Variants in ELN observed in about 807,000 individuals in gnomAD.
ELN encodes tropoelastin.
In ELN, 65 loss-of-function variants were observed where a neutral mutation model predicts 105.8. That is an observed-to-expected ratio of 0.61 (90% CI 0.50 to 0.75). The LOEUF is 0.75. Ranked by LOEUF, ELN falls within the 30% of genes least tolerant of loss-of-function variation. ELN has a pLI of 0.00. For synonymous variants in ELN, 368 were observed against 389.2 expected (o/e 0.95, Z 0.64); for missense variants, 882 against 969.4 (o/e 0.91, Z 1.20).
chr7:74,028,378 GTCC>G, intron 1 of ELN, 109 bp downstream of exon 1: 1 of 1,284,694 alleles, frequency 7.8e-7, no homozygotes, highest in Non-Finnish European at 1.1e-6. Flanking sequence ...ACTGCAAGGG[GTCC>G]CAGGTGGGAG....
At position 74,048,549 on chromosome 7, in the gene ELN, A is replaced by G. The variant is rs782131077; in HGVS notation, c.792A>G (p.Ala264=). The G allele has an allele frequency of 1.9e-6, 3 of 1,613,842 alleles. No homozygotes were observed. Among genetic ancestry groups the G allele is most frequent in the East Asian group, 2.2e-5 (1 of 44,898 alleles). Reference sequence around the variant, plus strand: ...CAGCAGCGGCAGCTAAAGCAGCAGCAAAGTTCGGTGAGTGCCCCTGGAGTC... The same window carrying G: ...CAGCAGCGGCAGCTAAAGCAGCAGCGAAGTTCGGTGAGTGCCCCTGGAGTC... ...AAAAAAAKAA[A]KFGAGAAGVL... is the part of the protein sequence containing the mutation. Residue 264 remains alanine, a synonymous_variant, in exon 15 of 33, where the codon GCA becomes GCG. Coordinates refer to ENST00000252034, the MANE Select transcript of ELN (RefSeq NM_000501.4).
intron 21 of ELN, 200 bp from the exon 22 acceptor site, chr7:74,057,440 A>G (rs1554680930): frequency 6.5e-7 from 1 of 1,534,798 alleles, no homozygotes; most frequent in Non-Finnish European, 8.7e-7. Flanking sequence ...GCGCAGTCCC[A>G]GGTGTGCCGG....
In ELN at chr7:74,056,729, C is replaced by A; in HGVS notation, c.1357+16C>A. 6.2e-7 allele frequency: 1 copy of A among 1,613,778 alleles called. No homozygotes were observed. The highest frequency in any genetic ancestry group is 8.5e-7 in the Non-Finnish European group (1 of 1,180,022). On this transcript the variant is annotated intron_variant, in intron 21 of 32. Coordinates refer to ENST00000252034, the MANE Select transcript of ELN (RefSeq NM_000501.4). ...GCCAAGTACGGTAAGTGCCCCTGCC[C>A]TGCCTGTCCCCAAGTCCTGCTCTCC...
chr7:74,053,340 G>C (rs1435544673), intron 18 of ELN, 31 bp downstream of exon 18: 2 of 1,600,148 alleles, frequency 1.2e-6, no homozygotes, highest in East Asian at 4.5e-5. Flanking sequence ...GTGTGTGTGT[G>C]TGTGTGTGTG....
intron 1 of ELN, among the ~76,000 whole-genome samples, chr7:74,034,395 C>T (rs1405039305): frequency 6.6e-6 from 1 of 152,074 alleles, no homozygotes; most frequent in Non-Finnish European, 1.5e-5. Context: ...CCAGGGAGAA[C>T]CAGGTAACAC....
intron 22 of ELN, chr7:74,059,665 T>TA (rs1202859651): frequency 2.7e-5 from 17 of 622,170 alleles, no homozygotes; most frequent in Non-Finnish European, 4.3e-5. Flanking sequence ...GCCTGGGCGA[T>TA]AGAGTGAGAC....
At chr7:74,045,125 C>A in intron 9 of ELN, 97 bp from the exon 10 acceptor site, 1 of 1,409,458 alleles carries the variant, frequency 7.1e-7, no homozygotes, top group Non-Finnish European at 1.0e-6. Context: ...ACAGTCAGTC[C>A]CAAGGGAGGT....
rs782228932 is a variant in ELN, at chr7:74,041,265, C to G, written c.232+14C>G. 4 of 1,613,770 alleles carry G rather than the reference C, an allele frequency of 2.5e-6. No homozygotes were observed. The South Asian group carries it at 4.4e-5, about 18-fold the overall frequency. ...GCCTTGGGGCAGGTGAGTGCTGACACCCAAGAAAGATATCCCCTGTGGGGA... is the reference window on the plus strand; with the variant it reads ...GCCTTGGGGCAGGTGAGTGCTGACAGCCAAGAAAGATATCCCCTGTGGGGA... On this transcript the variant is annotated intron_variant, in intron 5 of 32. Coordinates refer to ENST00000252034, the MANE Select transcript of ELN (RefSeq NM_000501.4).
Position 74,063,770 on chromosome 7 carries a change from C to T in ELN, c.1993+75C>T. Reference sequence around the variant, plus strand: ...ACAGAGATGGAGACAGAGACAGAGACAGAGACTTTCGTTCCCACCCCTGGC... The same window carrying T: ...ACAGAGATGGAGACAGAGACAGAGATAGAGACTTTCGTTCCCACCCCTGGC... On this transcript the variant is annotated intron_variant, in intron 29 of 32. Coordinates refer to ENST00000252034, the MANE Select transcript of ELN (RefSeq NM_000501.4). The surrounding 1 kb of genome is among the most constrained non-coding windows in gnomAD (Gnocchi z 4.1). The T allele has an allele frequency of 1.2e-6, 2 of 1,601,694 alleles. No individual in the cohort carries two copies. The highest frequency in any genetic ancestry group is 2.2e-5 in the East Asian group (1 of 44,786).
chr7:74,064,330 G>C lies in ELN; in HGVS notation c.1993+635G>C, dbSNP rs185659937. On this transcript the variant is annotated intron_variant, in intron 29 of 32. Coordinates refer to ENST00000252034, the MANE Select transcript of ELN (RefSeq NM_000501.4). ...CTCAGGAGGCTGAGGCAGAAGAATG[G>C]CGTGAACCTGGGAGGCGGAGCTTGC... Among the ~76,000 whole-genome samples, 1,119 of 151,370 alleles carry C rather than the reference G, an allele frequency of 7.4e-3. 79 individuals are homozygous for C. In the East Asian group the frequency reaches 0.17, roughly 24 times the overall value.
At chr7:74,038,298 G>A (rs1790435280) in intron 4 of ELN, among the ~76,000 whole-genome samples, 1 of 152,166 alleles carries the variant, frequency 6.6e-6, no homozygotes, top group African/African-American at 2.4e-5. Context: ...CTAATCCCAG[G>A]CTGAACCCTG....
intron 29 of ELN, among the ~76,000 whole-genome samples, chr7:74,064,424 AT>A (rs1251484434): frequency 0.013 from 1,120 of 87,556 alleles, 15 homozygotes; most frequent in African/African-American, 0.042. Context: ...CAAAAAAAAA[AT>A]ATATATATAT....
intron 15 of ELN, among the ~76,000 whole-genome samples, chr7:74,049,958 G>A (rs1213860784): frequency 1.7e-5 from 2 of 119,362 alleles, no homozygotes; most frequent in Non-Finnish European, 3.5e-5. Context: ...TCCCTCCATC[G>A]ATTCTTCCAT....
intron 4 of ELN, among the ~76,000 whole-genome samples, chr7:74,039,412 A>T (rs1397536198): frequency 6.6e-6 from 1 of 152,094 alleles, no homozygotes; most frequent in Non-Finnish European, 1.5e-5. Flanking sequence ...CCCCCATGGC[A>T]CCCCCAGGGA....
intron 4 of ELN, among the ~76,000 whole-genome samples, chr7:74,038,238 A>G (rs1554666773): frequency 2.0e-5 from 3 of 152,160 alleles, no homozygotes; most frequent in Admixed American, 6.5e-5. Flanking sequence ...CTGACTCCAG[A>G]TGGAGCACTG....
chr7:74,059,752 C>T, intron 22 of ELN, 134 bp from the exon 23 acceptor site: 2 of 768,846 alleles, frequency 2.6e-6, no homozygotes, highest in Non-Finnish European at 4.8e-6. Flanking sequence ...AGCTGAGGCC[C>T]AGCAAGGGAA....
In ELN at chr7:74,037,641, G is replaced by T. The variant is rs528787990; in HGVS notation, c.164-66G>T. On this transcript the variant is annotated intron_variant, in intron 3 of 32. Transcript: ENST00000252034. ...ACTGCCCACACTTTGCCCGGGTTGG[G>T]GGTTGGATAAGTAGTAGATGGATAA... 11 of 1,582,992 alleles carry T rather than the reference G, an allele frequency of 6.9e-6. No individual in the cohort carries two copies. The African/African-American group carries it at 1.5e-4, about 21-fold the overall frequency.
At chr7:74,053,019 T>C in intron 17 of ELN, 144 bp from the exon 18 acceptor site, 2 of 1,181,810 alleles carry the variant, frequency 1.7e-6, no homozygotes, top group South Asian at 1.3e-5. Flanking sequence ...ATCTCTCTGA[T>C]GAGTAGGATC....
chr7:74,038,453 A>C (rs892470067), intron 4 of ELN, among the ~76,000 whole-genome samples: 16 of 152,138 alleles, frequency 1.1e-4, no homozygotes, highest in African/African-American at 3.9e-4. Flanking sequence ...CAGACCACGG[A>C]GTTTTCCAGT....
Sources: allele counts gnomAD v4.1 joint callset (sites outside exome capture counted in the v4.1 genomes callset), GRCh38; gene constraint gnomAD v4.1.1; non-coding constraint Gnocchi (gnomAD v3.1); transcripts MANE v1.5; gene names NCBI Gene and HGNC (gene_info 2026-07-23, HGNC 2026-07-21).